Variants in HMGA2 observed in about 807,000 individuals in gnomAD.
HMGA2 encodes the protein high mobility group AT-hook 2.
A neutral mutation model predicts 19.1 loss-of-function variants in HMGA2; 8 were observed. The ratio of observed to expected loss-of-function variants is 0.42; its 90% CI spans 0.25 to 0.76. HMGA2 has a LOEUF of 0.76. Among genes scored for constraint, HMGA2 ranks in the 30% least tolerant of loss-of-function variants. The probability of loss-of-function intolerance (pLI) is 0.28; values close to 1 mark genes in which losing one functional copy is unlikely to be tolerated. For missense variants in HMGA2, 109 were observed against 136.3 expected, an observed-to-expected ratio of 0.80 and a Z score of 1.00; for synonymous variants, 60 against 48.8, an observed-to-expected ratio of 1.23 and a Z score of -0.96.
At chr12:65,959,424 A>G (rs984231104) in intron 4 of HMGA2, among the ~76,000 whole-genome samples, 2 of 152,152 alleles carry the variant, frequency 1.3e-5, no homozygotes, top group African/African-American at 4.8e-5. Flanking sequence ...ATAAAAATAT[A>G]GTTTTCCAAC....
At chr12:65,961,660 C>CG (rs1184046737) in intron 4 of HMGA2, among the ~76,000 whole-genome samples, 2 of 151,982 alleles carry the variant, frequency 1.3e-5, no homozygotes, top group Non-Finnish European at 2.9e-5. Context: ...GCTCAGTCTT[C>CG]GGGGGGAAAG....
intron 3 of HMGA2, among the ~76,000 whole-genome samples, chr12:65,898,038 A>T (rs1428958534): frequency 6.6e-6 from 1 of 151,684 alleles, no homozygotes; most frequent in Admixed American, 6.6e-5. Context: ...TCCACCAGCC[A>T]CTGATGCTAA....
At chr12:65,889,031 G>C (rs78948465) in intron 3 of HMGA2, among the ~76,000 whole-genome samples, 4,230 of 152,170 alleles carry the variant, frequency 0.028, 210 homozygotes, top group African/African-American at 0.097. Context: ...TTGATATCTT[G>C]TTTTATTATA....
chr12:65,962,938 A>G (rs1427622511), intron 4 of HMGA2, among the ~76,000 whole-genome samples: 1 of 151,920 alleles, frequency 6.6e-6, no homozygotes, highest in Admixed American at 6.6e-5. Context: ...CTTTTTTTCT[A>G]ATTGGTGAGT....
intron 3 of HMGA2, among the ~76,000 whole-genome samples, chr12:65,930,243 G>C (rs1389747223): frequency 6.6e-6 from 1 of 152,074 alleles, no homozygotes; most frequent in Non-Finnish European, 1.5e-5. Flanking sequence ...CTTTAGAAAG[G>C]GTCTATTGAA....
intron 3 of HMGA2, among the ~76,000 whole-genome samples, chr12:65,936,343 C>A (rs1029679516): frequency 1.3e-5 from 2 of 151,938 alleles, no homozygotes; most frequent in South Asian, 2.1e-4. Context: ...GAAATGTATG[C>A]CTATGAACTC....
chr12:65,907,124 C>A (rs1446131387), intron 3 of HMGA2, among the ~76,000 whole-genome samples: 1 of 151,922 alleles, frequency 6.6e-6, no homozygotes, highest in East Asian at 1.9e-4. Context: ...TTGCTGGGTG[C>A]GGTGGCTCAC....
chr12:65,903,698 A>G (rs1443853812), intron 3 of HMGA2, among the ~76,000 whole-genome samples: 2 of 152,210 alleles, frequency 1.3e-5, no homozygotes, highest in Non-Finnish European at 2.9e-5. Flanking sequence ...CCGTGGACCT[A>G]CAGAGGCTGT....
chr12:65,888,466 G>T (rs1266895768), intron 3 of HMGA2, among the ~76,000 whole-genome samples: 6 of 138,926 alleles, frequency 4.3e-5, no homozygotes, highest in African/African-American at 1.3e-4. Flanking sequence ...CCCAAAAAAA[G>T]AAAGAAAAGA....
chr12:65,895,234 T>C (rs2121151550), intron 3 of HMGA2, among the ~76,000 whole-genome samples: 1 of 152,128 alleles, frequency 6.6e-6, no homozygotes, highest in South Asian at 2.1e-4. Context: ...CAGCAAACAT[T>C]AAAATGGAAC....
chr12:65,873,603 G>C (rs1443519907), intron 3 of HMGA2, among the ~76,000 whole-genome samples: 1 of 152,128 alleles, frequency 6.6e-6, no homozygotes, highest in African/African-American at 2.4e-5. Context: ...TTGGTAGAAA[G>C]TAAGATATAT....
chr12:65,961,538 C>T (rs1876750483), intron 4 of HMGA2, among the ~76,000 whole-genome samples: 1 of 152,190 alleles, frequency 6.6e-6, no homozygotes. Context: ...AAACCCAAAG[C>T]AGACTAAACA....
At chr12:65,944,964 T>C (rs976097369) in intron 3 of HMGA2, among the ~76,000 whole-genome samples, 1 of 152,116 alleles carries the variant, frequency 6.6e-6, no homozygotes, top group East Asian at 1.9e-4. Context: ...CTCGAACTTC[T>C]GGACTCGAGT....
intron 3 of HMGA2, among the ~76,000 whole-genome samples, chr12:65,941,895 C>G (rs905811883): frequency 6.6e-6 from 1 of 152,126 alleles, no homozygotes; most frequent in African/African-American, 2.4e-5. Flanking sequence ...TTTCTGTAAG[C>G]TTATGGGCAA....
At chr12:65,909,033 C>G (rs191829018) in intron 3 of HMGA2, among the ~76,000 whole-genome samples, 112 of 152,274 alleles carry the variant, frequency 7.4e-4, no homozygotes, top group Admixed American at 4.9e-3. Context: ...GACTGTCTGA[C>G]TTTAATTTTT....
chr12:65,842,618 C>G (rs1259243028), intron 3 of HMGA2: 8 of 1,535,248 alleles, frequency 5.2e-6, no homozygotes, highest in South Asian at 3.6e-5. Flanking sequence ...AGCTTAGAAG[C>G]CTTTCTTCCA....
At position 65,849,736 on chromosome 12, in the gene HMGA2, A is replaced by ATTTTTTTTTTTT. The variant is rs34541445; in HGVS notation, c.249+11180_249+11191dup. ...AAACCAAGACAATGGTAGGCTCTGTATTTTTTTTTTTTTTTTTTTTTTTTG... is the reference window on the plus strand; with the variant it reads ...AAACCAAGACAATGGTAGGCTCTGTATTTTTTTTTTTTTTTTTTTTTTTTTTTTTTTTTTTTG... On this transcript the variant is annotated intron_variant, in intron 3 of 4. Coordinates refer to ENST00000403681, the MANE Select transcript of HMGA2 (RefSeq NM_003483.6). Among the ~76,000 whole-genome samples, 423 of 85,096 alleles carry ATTTTTTTTTTTT rather than the reference A, an allele frequency of 5.0e-3. 27 individuals are homozygous for ATTTTTTTTTTTT. Among genetic ancestry groups the ATTTTTTTTTTTT allele is most frequent in the South Asian group, 0.014 (32 of 2,210 alleles). The allele number at this position is 85,096 out of a possible 152,430, so 55.8% of individuals were successfully genotyped here.
chr12:65,836,447 G>T (rs1870732741), intron 2 of HMGA2, among the ~76,000 whole-genome samples: 2 of 152,144 alleles, frequency 1.3e-5, no homozygotes. Flanking sequence ...CCTCATGGGA[G>T]GCAGGAACTT....
chr12:65,889,357 T>G (rs1312772435), intron 3 of HMGA2, among the ~76,000 whole-genome samples: 1 of 152,226 alleles, frequency 6.6e-6, no homozygotes. Flanking sequence ...TCCAACAAAG[T>G]GACCTTAGCA....
Sources: gnomAD v4.1 joint callset for allele counts (sites outside exome capture counted in the v4.1 genomes callset) on GRCh38, gnomAD v4.1.1 for gene constraint, MANE v1.5 for transcripts, NCBI Gene and HGNC (gene_info 2026-07-23, HGNC 2026-07-21) for gene names.